The following AGBL4 variants were observed in gnomAD, a reference collection of about 807,000 sequenced individuals.
AGBL4 encodes AGBL carboxypeptidase 4.
A neutral mutation model predicts 66.4 loss-of-function variants in AGBL4; 58 were observed. The ratio of observed to expected loss-of-function variants is 0.87; its 90% CI spans 0.71 to 1.09. The LOEUF (loss-of-function observed/expected upper bound fraction) is 1.09. Among genes scored for constraint, AGBL4 ranks in the 50% least tolerant of loss-of-function variants. The pLI, the probability that AGBL4 is intolerant of heterozygous loss-of-function variation, is 0.00. For missense variants in AGBL4, 579 were observed against 631.0 expected (o/e 0.92, Z 0.88); for synonymous variants, 234 against 222.9 (o/e 1.05, Z -0.44).
chr1:49,048,659 T>A (rs578193392), intron 4 of AGBL4, among the ~76,000 whole-genome samples: 5 of 152,232 alleles, frequency 3.3e-5, no homozygotes, highest in African/African-American at 1.2e-4. Context: ...GGGATGTACT[T>A]CTTATTTTTC....
intron 4 of AGBL4, 26 bp from the exon 5 acceptor site, chr1:49,045,826 G>T: frequency 6.6e-7 from 1 of 1,526,304 alleles, no homozygotes; most frequent in South Asian, 1.2e-5. Flanking sequence ...AAAGAAATTT[G>T]GGCATATGAG....
chr1:49,967,424 A>C (rs1363568994), intron 1 of AGBL4, among the ~76,000 whole-genome samples: 2 of 152,168 alleles, frequency 1.3e-5, no homozygotes, highest in African/African-American at 4.8e-5. Context: ...CAGAAAACCA[A>C]ACACCACACG....
rs1471952331 is a variant in AGBL4, at chr1:49,879,743, T to A, written c.35-28225A>T. On this transcript the variant is annotated intron_variant, in intron 1 of 13. Coordinates refer to ENST00000371839, the MANE Select transcript of AGBL4 (RefSeq NM_032785.4). ...ATTGGGGAAGTTCTCCTGGATAATA[T>A]CCTGCAGAGTGTTTTCCAACTTGGT... Among the ~76,000 whole-genome samples, 2 of 67,724 alleles carry A rather than the reference T, an allele frequency of 3.0e-5. 1 individual carries two copies. The highest frequency in any genetic ancestry group is 5.8e-5 in the Non-Finnish European group (2 of 34,688). 44.4% of individuals were successfully genotyped at this position (67,724 alleles called of 152,430 possible).
At chr1:48,750,806 C>T (rs1225619137) in intron 6 of AGBL4, among the ~76,000 whole-genome samples, 1 of 152,184 alleles carries the variant, frequency 6.6e-6, no homozygotes, top group Admixed American at 6.5e-5. Flanking sequence ...GGCAGGGAGA[C>T]AGCAGAAAGC....
At position 48,587,178 on chromosome 1, in the gene AGBL4, A is replaced by C. The variant is rs531586953; in HGVS notation, c.1105-12T>G. On this transcript the variant is annotated splice_polypyrimidine_tract_variant and intron_variant, in intron 10 of 13. Transcript: ENST00000371839. ...AAGGATGTGCTGGACTGTGAAAGAC[A>C]GAGTAGGGAGGAGAGAATCACGGCA... is the stretch of plus-strand genomic sequence containing the variant. The C allele has an allele frequency of 3.9e-6, 6 of 1,543,036 alleles. No individual in the cohort carries two copies. The highest frequency in any genetic ancestry group is 5.3e-6 in the Non-Finnish European group (6 of 1,142,312).
intron 1 of AGBL4, among the ~76,000 whole-genome samples, chr1:49,908,156 C>T (rs1571848061): frequency 6.6e-6 from 1 of 152,108 alleles, no homozygotes; most frequent in Non-Finnish European, 1.5e-5. Context: ...TGGAGGATTC[C>T]TTGAGCTCAG....
chr1:49,552,639 C>T (rs1653059597), intron 3 of AGBL4, among the ~76,000 whole-genome samples: 1 of 152,352 alleles, frequency 6.6e-6, no homozygotes, highest in Middle Eastern at 3.4e-3. Context: ...AGTTGTGGTA[C>T]TCACAGTATT....
At chr1:48,873,597 C>T (rs1648908145) in intron 5 of AGBL4, among the ~76,000 whole-genome samples, 1 of 152,136 alleles carries the variant, frequency 6.6e-6, no homozygotes, top group South Asian at 2.1e-4. Context: ...ACCTGACCAA[C>T]AGATAATGCT....
At chr1:49,365,057 TAAC>T (rs1644217847) in intron 3 of AGBL4, among the ~76,000 whole-genome samples, 1 of 152,232 alleles carries the variant, frequency 6.6e-6, no homozygotes, top group African/African-American at 2.4e-5. Context: ...ATATGAGAGA[TAAC>T]AATTATTGTT....
intron 9 of AGBL4, among the ~76,000 whole-genome samples, chr1:48,616,372 G>A (rs941848089): frequency 1.3e-5 from 2 of 152,168 alleles, no homozygotes; most frequent in African/African-American, 2.4e-5. Context: ...ATGAGAAACT[G>A]AGATCCAGAG....
rs565254199 is a variant in AGBL4, at chr1:49,739,552, G to A, written c.158-42115C>T. Among the ~76,000 whole-genome samples the A allele has an allele frequency of 3.3e-5, 5 of 152,236 alleles. No individual in the cohort carries two copies. In the East Asian group the frequency reaches 9.6e-4, roughly 29 times the overall value. On this transcript the variant is annotated intron_variant, in intron 2 of 13. Transcript: ENST00000371839. ...AACATTCAGATTCAGGAAATACTGAGAACGCCACAAAGATACTCCTCAAGA... is the reference window on the plus strand; with the variant it reads ...AACATTCAGATTCAGGAAATACTGAAAACGCCACAAAGATACTCCTCAAGA...
intron 9 of AGBL4, among the ~76,000 whole-genome samples, chr1:48,593,494 G>A (rs1397064736): frequency 6.6e-6 from 1 of 152,176 alleles, no homozygotes; most frequent in Admixed American, 6.5e-5. Context: ...GCTCATGCCT[G>A]TAATCCCAGC....
intron 1 of AGBL4, among the ~76,000 whole-genome samples, chr1:49,939,013 A>G (rs1349435790): frequency 6.6e-6 from 1 of 152,116 alleles, no homozygotes; most frequent in Non-Finnish European, 1.5e-5. Context: ...GTCTCAGGAT[A>G]CAAAATCAAT....
At chr1:49,115,701 A>G (rs1246719273) in intron 4 of AGBL4, among the ~76,000 whole-genome samples, 1 of 152,160 alleles carries the variant, frequency 6.6e-6, no homozygotes, top group Non-Finnish European at 1.5e-5. Context: ...AATTGTTATA[A>G]TATTAAGACA....
intron 9 of AGBL4, among the ~76,000 whole-genome samples, chr1:48,612,075 G>T (rs1380990170): frequency 1.3e-5 from 2 of 152,270 alleles, no homozygotes; most frequent in African/African-American, 4.8e-5. Context: ...CTGAGGAGCA[G>T]TCACTGGCTT....
At chr1:49,084,329 G>T (rs763244638) in intron 4 of AGBL4, among the ~76,000 whole-genome samples, 8 of 152,136 alleles carry the variant, frequency 5.3e-5, no homozygotes, top group Non-Finnish European at 8.8e-5. Context: ...TCACTCTCAT[G>T]GTGCTAATAA....
the AGBL4 span, among the ~76,000 whole-genome samples, chr1:48,525,122 T>C: frequency 6.6e-6 from 1 of 152,190 alleles, no homozygotes; most frequent in Admixed American, 6.5e-5. Context: ...TCTCTGGCCT[T>C]ATGCTAAGGC....
chr1:48,598,290 T>A (rs1645026238), intron 9 of AGBL4, among the ~76,000 whole-genome samples: 1 of 152,190 alleles, frequency 6.6e-6, no homozygotes, highest in South Asian at 2.1e-4. Context: ...GCAATCACAG[T>A]ACAGTCATGC....
chr1:48,827,890 C>T (rs1221593582), intron 6 of AGBL4, among the ~76,000 whole-genome samples: 1 of 152,030 alleles, frequency 6.6e-6, no homozygotes, highest in African/African-American at 2.4e-5. Context: ...AGCGGCGGCT[C>T]ATGCCTGTAA....
Sources: gnomAD v4.1 joint callset for allele counts (sites outside exome capture counted in the v4.1 genomes callset) on GRCh38, gnomAD v4.1.1 for gene constraint, MANE v1.5 for transcripts, NCBI Gene and HGNC (gene_info 2026-07-23, HGNC 2026-07-21) for gene names.